Variants in SPATA16 observed in about 807,000 individuals in gnomAD.
The protein encoded by SPATA16 is spermatogenesis associated 16, also known as spermatogenesis-associated protein 16.
A neutral mutation model predicts 63.3 loss-of-function variants in SPATA16; 36 were observed. That is an observed-to-expected ratio of 0.57 (90% CI 0.44 to 0.75). The LOEUF (loss-of-function observed/expected upper bound fraction) is 0.75. Ranked by LOEUF, SPATA16 falls within the 30% of genes least tolerant of loss-of-function variation. The pLI is 0.00. For synonymous variants in SPATA16, 203 were observed against 216.7 expected, an observed-to-expected ratio of 0.94 and a Z score of 0.56; for missense variants, 646 against 679.3, an observed-to-expected ratio of 0.95 and a Z score of 0.54.
At chr3:172,935,257 G>T (rs1732956053) in intron 6 of SPATA16, among the ~76,000 whole-genome samples, 1 of 152,150 alleles carries the variant, frequency 6.6e-6, no homozygotes, top group South Asian at 2.1e-4. Context: ...TTGAGGCCAG[G>T]AGTTCAATGA....
At chr3:173,041,513 A>C (rs1319706097) in intron 3 of SPATA16, among the ~76,000 whole-genome samples, 1 of 152,196 alleles carries the variant, frequency 6.6e-6, no homozygotes, top group Non-Finnish European at 1.5e-5. Context: ...TGAGGTGTTA[A>C]GAGATATATG....
rs763364051 is a variant in SPATA16 at position 173,074,737 on chromosome 3, CA to C, written c.613-25644del. ...TAGATGGGGGAAGGAGGGAAAGGGA[CA>C]AGGGTTGAAAAACTAACTGGAGGCT... On this transcript the variant is annotated intron_variant, in intron 2 of 10. Coordinates refer to ENST00000351008, the MANE Select transcript of SPATA16 (RefSeq NM_031955.6). Among the ~76,000 whole-genome samples, 14 of 152,046 alleles carry C rather than the reference CA, an allele frequency of 9.2e-5. 1 individual carries two copies. Among genetic ancestry groups the C allele is most frequent in the Admixed American group, 2.6e-4 (4 of 15,282 alleles).
At chr3:172,961,646 C>A (rs569919353) in intron 5 of SPATA16, among the ~76,000 whole-genome samples, 13 of 152,270 alleles carry the variant, frequency 8.5e-5, no homozygotes, top group Middle Eastern at 3.4e-3. Context: ...CCTTCTGCTT[C>A]GGCTTCCCAA....
At chr3:172,962,627 G>C (rs962405996) in intron 5 of SPATA16, among the ~76,000 whole-genome samples, 1 of 152,060 alleles carries the variant, frequency 6.6e-6, no homozygotes, top group East Asian at 1.9e-4. Context: ...TTTTATATAG[G>C]CTATTTCCTT....
At chr3:173,039,101 T>C (rs1735781802) in intron 3 of SPATA16, among the ~76,000 whole-genome samples, 1 of 150,744 alleles carries the variant, frequency 6.6e-6, no homozygotes, top group African/African-American at 2.4e-5. Context: ...ATCTAGAACT[T>C]TTTTTTTTAA....
chr3:172,925,271 A>G (rs1023075577), intron 7 of SPATA16, 75 bp downstream of exon 7: 63 of 1,542,734 alleles, frequency 4.1e-5, no homozygotes, highest in Non-Finnish European at 5.1e-5. Flanking sequence ...GTTAATTTTA[A>G]CTCAAACATT....
chr3:173,050,917 G>A (rs1380405020), intron 2 of SPATA16, among the ~76,000 whole-genome samples: 1 of 152,150 alleles, frequency 6.6e-6, no homozygotes, highest in Non-Finnish European at 1.5e-5. Flanking sequence ...AATTATTCTA[G>A]AGAATCTGAC....
chr3:173,125,133 C>G (rs1236353476), intron 1 of SPATA16, among the ~76,000 whole-genome samples: 1 of 152,148 alleles, frequency 6.6e-6, no homozygotes, highest in African/African-American at 2.4e-5. Flanking sequence ...TCAGTCTTCC[C>G]ATCCCAGTGC....
chr3:173,067,328 G>A (rs1736545107), intron 2 of SPATA16, among the ~76,000 whole-genome samples: 1 of 152,084 alleles, frequency 6.6e-6, no homozygotes, highest in African/African-American at 2.4e-5. Context: ...TATGCCAAGC[G>A]AATTAATGTG....
At chr3:173,002,013 C>CT (rs893341351) in intron 4 of SPATA16, among the ~76,000 whole-genome samples, 12 of 151,998 alleles carry the variant, frequency 7.9e-5, no homozygotes, top group Non-Finnish European at 1.8e-4. Context: ...TAAAGAAGAG[C>CT]TTTTTTTATT....
intron 6 of SPATA16, among the ~76,000 whole-genome samples, chr3:172,937,705 G>A (rs1361068693): frequency 1.3e-5 from 2 of 151,852 alleles, no homozygotes; most frequent in African/African-American, 4.8e-5. Context: ...TATACCCAGG[G>A]GGTATATTTT....
chr3:172,911,929 C>G (rs1354670644), intron 10 of SPATA16, among the ~76,000 whole-genome samples: 1 of 152,202 alleles, frequency 6.6e-6, no homozygotes, highest in African/African-American at 2.4e-5. Flanking sequence ...TCTGTAGCCC[C>G]TCAATCTCTT....
intron 2 of SPATA16, among the ~76,000 whole-genome samples, chr3:173,073,040 G>A (rs1390537682): frequency 6.6e-6 from 1 of 152,156 alleles, no homozygotes; most frequent in East Asian, 1.9e-4. Context: ...AAAGAGACTG[G>A]CAGCATTTTG....
intron 1 of SPATA16, among the ~76,000 whole-genome samples, chr3:173,132,157 T>C (rs534087035): frequency 2.0e-4 from 30 of 152,152 alleles, no homozygotes; most frequent in African/African-American, 6.7e-4. Flanking sequence ...AATTCTAGAG[T>C]TGAGAAATAT....
intron 2 of SPATA16, among the ~76,000 whole-genome samples, chr3:173,088,026 CTTTCTTTCTTTCT>C (rs1737110610): frequency 8.3e-6 from 1 of 120,530 alleles, no homozygotes. Context: ...TTCTTTCTTT[CTTTCTTTCTTTCT>C]TTCTTTCTTT....
rs1330326986 is a variant in SPATA16 at position 172,965,701 on chromosome 3, G to A, written c.934-8877C>T. On this transcript the variant is annotated intron_variant, in intron 5 of 10. Transcript: ENST00000351008. The stretch of plus-strand genomic sequence containing the variant: ...GGCTGGAGTGCAATGGCGCGATCTC[G>A]GCTCACTACAACCCCCACCTCCTGG... Among the ~76,000 whole-genome samples the A allele has an allele frequency of 4.0e-5, 6 of 151,526 alleles. No homozygotes were observed. The East Asian group carries it at 5.8e-4, about 15-fold the overall frequency.
chr3:172,904,900 G>C (rs566534985), intron 10 of SPATA16, among the ~76,000 whole-genome samples: 2 of 152,212 alleles, frequency 1.3e-5, no homozygotes, highest in African/African-American at 4.8e-5. Context: ...CAATCACGAG[G>C]CTCTGCCAGG....
intron 10 of SPATA16, among the ~76,000 whole-genome samples, chr3:172,901,666 G>A (rs751037626): frequency 2.6e-5 from 4 of 152,080 alleles, no homozygotes; most frequent in Admixed American, 1.3e-4. Flanking sequence ...TTACTTCCAC[G>A]TGGAAACAGA....
At chr3:172,979,444 A>G (rs774887803) in intron 4 of SPATA16, among the ~76,000 whole-genome samples, 1 of 152,214 alleles carries the variant, frequency 6.6e-6, no homozygotes, top group African/African-American at 2.4e-5. Context: ...CAGTGGCTTG[A>G]GTCAAGTAAA....
Sources: gnomAD v4.1 joint callset for allele counts (sites outside exome capture counted in the v4.1 genomes callset) on GRCh38, gnomAD v4.1.1 for gene constraint, MANE v1.5 for transcripts, NCBI Gene and HGNC (gene_info 2026-07-23, HGNC 2026-07-21) for gene names.